TNR: variants seen among roughly 807,000 people sequenced by gnomAD.
TNR encodes the protein tenascin-R.
A neutral mutation model predicts 150.4 loss-of-function variants in TNR; 45 were observed. The ratio of observed to expected loss-of-function variants is 0.30; its 90% CI spans 0.24 to 0.38. The LOEUF is 0.38. TNR is among the 10% of genes least tolerant of loss of function. TNR has a pLI of 1.00. For synonymous variants in TNR, 687 were observed against 678.4 expected, an observed-to-expected ratio of 1.01 and a Z score of -0.20; for missense variants, 1,544 against 1,759.1, an observed-to-expected ratio of 0.88 and a Z score of 2.19.
intron 2 of TNR, among the ~76,000 whole-genome samples, chr1:175,442,793 G>T (rs1655854782): frequency 6.6e-6 from 1 of 151,710 alleles, no homozygotes; most frequent in Non-Finnish European, 1.5e-5. Context: ...ATATCAGAAA[G>T]GTGCAAGTGA....
At chr1:175,616,659 C>T (rs769315253) in intron 1 of TNR, among the ~76,000 whole-genome samples, 3 of 152,176 alleles carry the variant, frequency 2.0e-5, no homozygotes, top group Non-Finnish European at 4.4e-5. Flanking sequence ...GGCCATGCTC[C>T]CACTGTCTGG....
chr1:175,362,889 AG>A, intron 13 of TNR, 80 bp from the exon 14 acceptor site: 1 of 1,559,224 alleles, frequency 6.4e-7, no homozygotes, highest in African/African-American at 1.4e-5. Context: ...ATGTCAATAA[AG>A]CACAGATGGG....
chr1:175,584,286 C>T (rs568867227), intron 1 of TNR, among the ~76,000 whole-genome samples: 2 of 152,208 alleles, frequency 1.3e-5, no homozygotes, highest in South Asian at 2.1e-4. Context: ...TGATGACATG[C>T]AGGGAAAAGG....
At chr1:175,335,843 CAAAA>C (rs755539587) in intron 19 of TNR, 36 bp from the exon 20 acceptor site, 1 of 1,570,180 alleles carries the variant, frequency 6.4e-7, no homozygotes, top group Non-Finnish European at 8.7e-7. Flanking sequence ...AACAAACAAA[CAAAA>C]AAACAAAACC....
At chr1:175,439,621 A>G (rs1447413615) in intron 2 of TNR, among the ~76,000 whole-genome samples, 1 of 152,236 alleles carries the variant, frequency 6.6e-6, no homozygotes, top group African/African-American at 2.4e-5. Flanking sequence ...TTTGCAATCT[A>G]TTCATCTGAC....
intron 4 of TNR, among the ~76,000 whole-genome samples, chr1:175,401,663 A>C (rs1653707441): frequency 6.6e-6 from 1 of 152,108 alleles, no homozygotes; most frequent in Non-Finnish European, 1.5e-5. Flanking sequence ...TTTTGAAAAT[A>C]ATTTAAGTTG....
intron 2 of TNR, among the ~76,000 whole-genome samples, chr1:175,478,730 G>C (rs571648885): frequency 6.6e-6 from 1 of 152,276 alleles, no homozygotes; most frequent in South Asian, 2.1e-4. Flanking sequence ...AGGAGATCAG[G>C]GGACCTTGTT....
chr1:175,500,231 T>C (rs76104436), intron 2 of TNR, among the ~76,000 whole-genome samples: 2 of 152,268 alleles, frequency 1.3e-5, no homozygotes, highest in East Asian at 3.9e-4. Flanking sequence ...GACACATCAG[T>C]CACTTGAGTT....
intron 1 of TNR, among the ~76,000 whole-genome samples, chr1:175,714,297 G>A (rs1460707316): frequency 1.3e-5 from 2 of 152,042 alleles, no homozygotes; most frequent in African/African-American, 4.8e-5. Context: ...AATTTCTAGT[G>A]ACGGAAAGCC....
chr1:175,376,345 C>T (rs1352005736), intron 9 of TNR, among the ~76,000 whole-genome samples: 1 of 152,130 alleles, frequency 6.6e-6, no homozygotes, highest in Non-Finnish European at 1.5e-5. Context: ...AATGTATTGC[C>T]TCATGAATGC....
At chr1:175,526,317 G>T (rs1032011705) in intron 2 of TNR, among the ~76,000 whole-genome samples, 1 of 152,186 alleles carries the variant, frequency 6.6e-6, no homozygotes, top group Non-Finnish European at 1.5e-5. Context: ...TTATCATAAG[G>T]TGTGGGGGTA....
intron 1 of TNR, among the ~76,000 whole-genome samples, chr1:175,712,510 A>G (rs1445261871): frequency 1.3e-5 from 2 of 152,170 alleles, no homozygotes; most frequent in African/African-American, 2.4e-5. Context: ...TAGCAGGACA[A>G]GGCTTGGGGG....
chr1:175,411,577 G>A (rs946696175), intron 2 of TNR, among the ~76,000 whole-genome samples: 1 of 151,520 alleles, frequency 6.6e-6, no homozygotes, highest in Non-Finnish European at 1.5e-5. Flanking sequence ...CCAGCTGCTG[G>A]TGGCTGCTAG....
At chr1:175,481,087 T>C (rs1657791745) in intron 2 of TNR, among the ~76,000 whole-genome samples, 1 of 152,182 alleles carries the variant, frequency 6.6e-6, no homozygotes, top group Non-Finnish European at 1.5e-5. Context: ...CATAAATTTG[T>C]ACATTTCAGG....
intron 1 of TNR, among the ~76,000 whole-genome samples, chr1:175,562,498 G>A (rs10913008): frequency 0.094 from 14,327 of 152,296 alleles, 728 homozygotes; most frequent in Middle Eastern, 0.14. Context: ...AATGTAAAAT[G>A]TTGAACTAGG....
intron 4 of TNR, among the ~76,000 whole-genome samples, chr1:175,402,579 C>G (rs181790465): frequency 3.3e-5 from 5 of 152,192 alleles, no homozygotes; most frequent in Admixed American, 2.0e-4. Flanking sequence ...AGATTTAAGT[C>G]CTTGTCTAAA....
At chr1:175,419,041 G>T (rs576485960) in intron 2 of TNR, among the ~76,000 whole-genome samples, 1 of 152,152 alleles carries the variant, frequency 6.6e-6, no homozygotes, top group African/African-American at 2.4e-5. Flanking sequence ...ATCTTATTTT[G>T]CAGTTATTTA....
intron 1 of TNR, among the ~76,000 whole-genome samples, chr1:175,632,928 C>T (rs1022473955): frequency 3.3e-5 from 5 of 152,164 alleles, no homozygotes; most frequent in African/African-American, 1.2e-4. Flanking sequence ...ATGTCTCTTC[C>T]CCTAAAGGAA....
intron 1 of TNR, among the ~76,000 whole-genome samples, chr1:175,614,913 C>T (rs182082373): frequency 6.6e-6 from 1 of 152,314 alleles, no homozygotes; most frequent in African/African-American, 2.4e-5. Context: ...GACAATGAAG[C>T]AATGAGCAAA....
Sources: allele counts gnomAD v4.1 joint callset (sites outside exome capture counted in the v4.1 genomes callset), GRCh38; gene constraint gnomAD v4.1.1; transcripts MANE v1.5; gene names NCBI Gene and HGNC (gene_info 2026-07-23, HGNC 2026-07-21).